Variants in PDSS2 observed in about 807,000 individuals in gnomAD.
The protein encoded by PDSS2 is decaprenyl diphosphate synthase subunit 2.
In PDSS2, 31 loss-of-function variants were observed where a neutral mutation model predicts 44.5. That is an observed-to-expected ratio of 0.70 (90% CI 0.52 to 0.94). PDSS2 has a LOEUF of 0.94. Among genes scored for constraint, PDSS2 ranks in the 40% least tolerant of loss-of-function variants. The pLI is 0.00. For missense variants in PDSS2, 452 were observed against 482.2 expected (o/e 0.94, Z 0.59); for synonymous variants, 157 against 180.3 (o/e 0.87, Z 1.03).
At chr6:107,298,578 A>G (rs1776587200) in intron 2 of PDSS2, among the ~76,000 whole-genome samples, 1 of 152,212 alleles carries the variant, frequency 6.6e-6, no homozygotes, top group East Asian at 1.9e-4. Flanking sequence ...AACTGTATAT[A>G]TACCTATATA....
At chr6:107,162,322 C>G (rs1450032403) in intron 7 of PDSS2, among the ~76,000 whole-genome samples, 5 of 151,700 alleles carry the variant, frequency 3.3e-5, no homozygotes, top group Non-Finnish European at 7.4e-5. Context: ...TGGTGTAACC[C>G]CATCTCTACT....
chr6:107,224,729 T>C (rs775465032), intron 4 of PDSS2, among the ~76,000 whole-genome samples: 4 of 151,442 alleles, frequency 2.6e-5, no homozygotes, highest in Non-Finnish European at 4.4e-5. Flanking sequence ...GGTTACACTA[T>C]ACGAAATCTA....
chr6:107,208,613 T>C (rs1343281427), intron 6 of PDSS2, among the ~76,000 whole-genome samples: 2 of 140,566 alleles, frequency 1.4e-5, no homozygotes, highest in Non-Finnish European at 3.2e-5. Context: ...CTGTGACTTT[T>C]TTTTTTTTTT....
At chr6:107,209,922 A>T (rs183985678) in intron 6 of PDSS2, among the ~76,000 whole-genome samples, 2 of 152,312 alleles carry the variant, frequency 1.3e-5, no homozygotes, top group East Asian at 3.9e-4. Flanking sequence ...TGCCAAAATG[A>T]GAAATTCACC....
At chr6:107,373,876 C>T (rs1185911756) in intron 1 of PDSS2, among the ~76,000 whole-genome samples, 1 of 152,164 alleles carries the variant, frequency 6.6e-6, no homozygotes, top group East Asian at 1.9e-4. Flanking sequence ...TAGATTACTG[C>T]TTAGGACAAC....
intron 2 of PDSS2, among the ~76,000 whole-genome samples, chr6:107,321,030 C>T (rs925628631): frequency 6.6e-6 from 1 of 152,150 alleles, no homozygotes; most frequent in Admixed American, 6.5e-5. Flanking sequence ...CCAAGAAAAG[C>T]AATTTCTTAA....
intron 7 of PDSS2, among the ~76,000 whole-genome samples, chr6:107,156,730 C>A (rs1191827878): frequency 6.6e-6 from 1 of 152,144 alleles, no homozygotes; most frequent in Non-Finnish European, 1.5e-5. Context: ...GCACAGCTAC[C>A]AGCCCACACT....
rs148065773 is a variant in PDSS2, at chr6:107,249,067, T to G, written c.631-3448A>C. On this transcript the variant is annotated intron_variant, in intron 3 of 7. Transcript: ENST00000369037. ...GAAGGGCTCTAATGCTTGGAAATGA[T>G]TTATATATACTGGATTCTGAATGAC... Among the ~76,000 whole-genome samples the G allele has an allele frequency of 3.3e-5, 5 of 152,300 alleles. No homozygotes were observed. The East Asian group carries it at 9.6e-4, about 29-fold the overall frequency.
At chr6:107,431,200 T>C in intron 1 of PDSS2, among the ~76,000 whole-genome samples, 1 of 152,228 alleles carries the variant, frequency 6.6e-6, no homozygotes. Context: ...AAGACACAGC[T>C]TCTAAAACTA....
At chr6:107,211,450 G>T (rs1201654026) in intron 5 of PDSS2, among the ~76,000 whole-genome samples, 8 of 151,764 alleles carry the variant, frequency 5.3e-5, no homozygotes, top group Admixed American at 3.3e-4. Flanking sequence ...AGCTATAAGG[G>T]GCCAGGCGTG....
chr6:107,257,440 A>C (rs1775061053), intron 3 of PDSS2, among the ~76,000 whole-genome samples: 1 of 151,882 alleles, frequency 6.6e-6, no homozygotes, highest in African/African-American at 2.4e-5. Context: ...CAGGAGGCTG[A>C]GGTGGAGGAT....
chr6:107,364,430 G>A (rs1467644297), intron 1 of PDSS2, among the ~76,000 whole-genome samples: 4 of 152,222 alleles, frequency 2.6e-5, no homozygotes, highest in Non-Finnish European at 5.9e-5. Flanking sequence ...CGAGCACAGC[G>A]CCAGTGGGCC....
intron 7 of PDSS2, among the ~76,000 whole-genome samples, chr6:107,183,894 C>CAA (rs60428632): frequency 2.7e-5 from 4 of 147,026 alleles, no homozygotes; most frequent in Non-Finnish European, 4.5e-5. Flanking sequence ...GACTCCATCT[C>CAA]AAAAAAAAAA....
At chr6:107,241,347 T>C (rs796194764) in intron 4 of PDSS2, among the ~76,000 whole-genome samples, 46 of 24,920 alleles carry the variant, frequency 1.8e-3, no homozygotes, top group African/African-American at 3.0e-3. Flanking sequence ...TCTTCTTCTT[T>C]TTTTTTTTTT....
At chr6:107,295,607 G>A (rs935554544) in intron 2 of PDSS2, among the ~76,000 whole-genome samples, 25 of 152,152 alleles carry the variant, frequency 1.6e-4, no homozygotes, top group African/African-American at 5.6e-4. Flanking sequence ...TAGATTTAGA[G>A]AGGTCAAGTT....
At chr6:107,237,395 C>T (rs1474483486) in intron 4 of PDSS2, among the ~76,000 whole-genome samples, 1 of 151,890 alleles carries the variant, frequency 6.6e-6, no homozygotes, top group African/African-American at 2.4e-5. Flanking sequence ...AGGCACCCAC[C>T]CCCACACCCA....
At chr6:107,178,385 C>G (rs746765937) in intron 7 of PDSS2, among the ~76,000 whole-genome samples, 2 of 152,122 alleles carry the variant, frequency 1.3e-5, no homozygotes, top group South Asian at 2.1e-4. Context: ...GAGGTCTCTA[C>G]GCTATGGTGT....
intron 1 of PDSS2, among the ~76,000 whole-genome samples, chr6:107,424,036 CTT>C (rs56318621): frequency 1.1e-4 from 10 of 90,592 alleles, no homozygotes; most frequent in African/African-American, 2.7e-4. Context: ...TATCTTGCAT[CTT>C]TTTTTTTTTT....
At chr6:107,283,360 C>T (rs1776034830) in intron 2 of PDSS2, among the ~76,000 whole-genome samples, 1 of 151,510 alleles carries the variant, frequency 6.6e-6, no homozygotes, top group African/African-American at 2.4e-5. Context: ...AAAAAACCCA[C>T]CAGAATCGTT....
Sources: allele counts gnomAD v4.1 joint callset (sites outside exome capture counted in the v4.1 genomes callset), GRCh38; gene constraint gnomAD v4.1.1; transcripts MANE v1.5; gene names NCBI Gene and HGNC (gene_info 2026-07-23, HGNC 2026-07-21).